The following AGBL1 variants were observed in gnomAD, a reference collection of about 807,000 sequenced individuals.
The protein encoded by AGBL1 is cytosolic carboxypeptidase 4.
Under a neutral mutation model 118.9 loss-of-function variants are expected in AGBL1, and 130 were observed. The observed-to-expected ratio is 1.09, with a 90% CI of 0.95 to 1.26. AGBL1 has a LOEUF of 1.26. AGBL1 is among the 50% of genes most tolerant of loss of function. AGBL1 has a pLI of 0.00. For missense variants in AGBL1, 1,584 were observed against 1,298.1 expected, an observed-to-expected ratio of 1.22 and a Z score of -3.38; for synonymous variants, 555 against 478.9, an observed-to-expected ratio of 1.16 and a Z score of -2.08.
chr15:86,191,348 C>CAAAAAAAAAAAAAAAAAAA (rs869108108), intron 5 of AGBL1, among the ~76,000 whole-genome samples: 7 of 65,106 alleles, frequency 1.1e-4, no homozygotes, highest in African/African-American at 3.3e-4. Context: ...AACTTTGTCT[C>CAAAAAAAAAAAAAAAAAAA]AAAAAAAAAA....
intron 18 of AGBL1, among the ~76,000 whole-genome samples, chr15:86,402,914 G>A (rs112607733): frequency 6.6e-6 from 1 of 151,760 alleles, no homozygotes; most frequent in Non-Finnish European, 1.5e-5. Flanking sequence ...CAAACATTTT[G>A]TCATCTTTCT....
chr15:86,964,659 T>G (rs2081031428), intron 23 of AGBL1, among the ~76,000 whole-genome samples: 1 of 151,914 alleles, frequency 6.6e-6, no homozygotes, highest in Admixed American at 6.6e-5. Context: ...TTTAAATACT[T>G]TAAGTTCTGG....
intron 24 of AGBL1, among the ~76,000 whole-genome samples, chr15:87,014,032 A>C (rs2070110843): frequency 6.6e-6 from 1 of 152,182 alleles, no homozygotes; most frequent in African/African-American, 2.4e-5. Flanking sequence ...AAATACCTTT[A>C]ATGTACCTAA....
intron 17 of AGBL1, among the ~76,000 whole-genome samples, chr15:86,345,160 T>C (rs1484365367): frequency 3.3e-5 from 5 of 151,954 alleles, no homozygotes; most frequent in Non-Finnish European, 5.9e-5. Context: ...ATATTAACCA[T>C]CTTATTTTAC....
chr15:86,607,236 C>T (rs1002025205), intron 21 of AGBL1, among the ~76,000 whole-genome samples: 21 of 152,146 alleles, frequency 1.4e-4, no homozygotes, highest in African/African-American at 5.1e-4. Flanking sequence ...TGATTGCTTC[C>T]AAGCTTTAGC....
At chr15:87,031,331 A>T (rs2081780502), downstream of AGBL1, among the ~76,000 whole-genome samples, 1 of 151,962 alleles carries the variant, frequency 6.6e-6, no homozygotes, top group South Asian at 2.1e-4. Context: ...ATTAACAGAA[A>T]TAGAGAGATA....
At chr15:86,182,559 T>G (rs139100901) in intron 5 of AGBL1, among the ~76,000 whole-genome samples, 83 of 152,244 alleles carry the variant, frequency 5.5e-4, no homozygotes, top group African/African-American at 1.9e-3. Context: ...ATCAAGTACT[T>G]CCAAATTAAT....
intron 22 of AGBL1, among the ~76,000 whole-genome samples, chr15:86,688,033 G>A (rs756627747): frequency 1.3e-5 from 2 of 152,132 alleles, no homozygotes; most frequent in African/African-American, 2.4e-5. Context: ...AATGAGAACA[G>A]GGCATGAAAT....
At chr15:86,397,576 C>G in intron 18 of AGBL1, 30 bp downstream of exon 18, 1 of 1,573,582 alleles carries the variant, frequency 6.4e-7, no homozygotes, top group South Asian at 1.2e-5. Context: ...CAGCCAAACC[C>G]ACAATTATGC....
At chr15:86,998,452 G>C (rs2081400223) in intron 24 of AGBL1, among the ~76,000 whole-genome samples, 1 of 152,114 alleles carries the variant, frequency 6.6e-6, no homozygotes, top group African/African-American at 2.4e-5. Context: ...ATTGGGAGTG[G>C]ATACTTTCCC....
At chr15:87,016,904 C>T (rs1014464159) in intron 24 of AGBL1, among the ~76,000 whole-genome samples, 8 of 152,262 alleles carry the variant, frequency 5.3e-5, no homozygotes, top group Admixed American at 5.2e-4. Context: ...TGTGAAGTCC[C>T]TGCAGAGCAG....
intron 17 of AGBL1, among the ~76,000 whole-genome samples, chr15:86,354,067 G>C (rs773512257): frequency 3.3e-5 from 5 of 152,202 alleles, no homozygotes; most frequent in Non-Finnish European, 5.9e-5. Context: ...CTGCATAGAT[G>C]CAGCTGCTAA....
At chr15:86,938,378 G>A (rs1308367896) in intron 23 of AGBL1, among the ~76,000 whole-genome samples, 1 of 152,144 alleles carries the variant, frequency 6.6e-6, no homozygotes, top group Non-Finnish European at 1.5e-5. Context: ...CACAAAAATG[G>A]AAGAAACTTT....
intron 17 of AGBL1, among the ~76,000 whole-genome samples, chr15:86,319,946 A>G (rs1018017351): frequency 4.0e-5 from 6 of 151,660 alleles, no homozygotes; most frequent in South Asian, 2.1e-4. Flanking sequence ...TAGTAGAGAC[A>G]GGGTTTCACC....
Position 86,652,262 on chromosome 15 carries a change from C to G in AGBL1, c.2995-22011C>G, listed in dbSNP as rs572796018. On this transcript the variant is annotated intron_variant, in intron 21 of 22. Transcript: ENST00000614907. ...AACTCAAGCATCATAGGGAGCTTCG[C>G]AGCTGTGACATGACTTCCACTTAGT... Among the ~76,000 whole-genome samples the G allele has an allele frequency of 1.1e-4, 17 of 152,224 alleles. 1 individual carries two copies. Among genetic ancestry groups the G allele is most frequent in the Non-Finnish European group, 7.4e-5 (5 of 67,994 alleles).
At chr15:86,155,786 A>C (rs944050827) in intron 4 of AGBL1, among the ~76,000 whole-genome samples, 1 of 152,184 alleles carries the variant, frequency 6.6e-6, no homozygotes, top group African/African-American at 2.4e-5. Flanking sequence ...GTTGAACCTC[A>C]GTTTCATCCT....
chr15:86,746,906 C>T (rs547446426), intron 22 of AGBL1, among the ~76,000 whole-genome samples: 9 of 152,042 alleles, frequency 5.9e-5, no homozygotes, highest in Admixed American at 5.9e-4. Context: ...ACATGGTGAC[C>T]TAAACTTTTT....
intron 21 of AGBL1, among the ~76,000 whole-genome samples, chr15:86,665,742 A>G (rs1162722264): frequency 6.6e-6 from 1 of 151,954 alleles, no homozygotes; most frequent in Non-Finnish European, 1.5e-5. Flanking sequence ...TTCTTTGATC[A>G]TTTAACTCTT....
chr15:86,713,977 G>T (rs570003123), intron 22 of AGBL1, among the ~76,000 whole-genome samples: 2 of 152,086 alleles, frequency 1.3e-5, no homozygotes, highest in Non-Finnish European at 2.9e-5. Context: ...CCTTGAACGC[G>T]CACACAAAGG....
Sources: gnomAD v4.1 joint callset for allele counts (sites outside exome capture counted in the v4.1 genomes callset) on GRCh38, gnomAD v4.1.1 for gene constraint, MANE v1.5 for transcripts, NCBI Gene and HGNC (gene_info 2026-07-23, HGNC 2026-07-21) for gene names.